The following CCDC178 variants were observed in gnomAD, a reference collection of about 807,000 sequenced individuals.
The protein encoded by CCDC178 is coiled-coil domain-containing protein 178.
A neutral mutation model predicts 117.4 loss-of-function variants in CCDC178; 126 were observed. The observed-to-expected ratio is 1.07, with a 90% confidence interval of 0.93 to 1.24. CCDC178 has a LOEUF of 1.24. CCDC178 is among the 50% of genes most tolerant of loss of function. The pLI is 0.00. For missense variants in CCDC178, 1,030 were observed against 986.9 expected, an observed-to-expected ratio of 1.04 and a Z score of -0.59; for synonymous variants, 283 against 313.4, an observed-to-expected ratio of 0.90 and a Z score of 1.02.
chr18:33,333,299 A>G lies in CCDC178; in HGVS notation c.754T>C (p.Leu252=), dbSNP rs1191162455. The change falls in exon 10 of 23, where the codon TTA becomes CTA. Residue 252 remains leucine (L), a synonymous_variant. Coordinates refer to ENST00000383096, the MANE Select transcript of CCDC178 (RefSeq NM_001105528.4). The stretch of plus-strand genomic sequence containing the variant: ...TGAATCTTTGCATTTGCTTCTTCTA[A>G]CTCTGTCTTTTGTTTTTCAAAATGT... ...LQHFEKQKTE[L]EEANAKIQAD... The G allele has an allele frequency of 3.7e-6, 6 of 1,612,172 alleles. No individual in the cohort carries two copies. Among genetic ancestry groups the G allele is most frequent in the Non-Finnish European group, 5.1e-6 (6 of 1,178,972 alleles).
At chr18:33,420,772 C>T (rs1302596718) in intron 2 of CCDC178, among the ~76,000 whole-genome samples, 1 of 151,626 alleles carries the variant, frequency 6.6e-6, no homozygotes, top group East Asian at 1.9e-4. Flanking sequence ...ACATGTACCA[C>T]TGAAATTAAA....
intron 21 of CCDC178, among the ~76,000 whole-genome samples, chr18:33,021,992 A>G (rs915973129): frequency 3.9e-5 from 6 of 152,156 alleles, no homozygotes; most frequent in African/African-American, 7.2e-5. Context: ...ATTTCCTTTT[A>G]ATTTTAAAAT....
rs576158382 is a variant in CCDC178 at position 33,042,085 on chromosome 18, T to C, written c.2388+50676A>G. 2.0e-5 allele frequency among the ~76,000 whole-genome samples: 3 copies of C among 152,066 alleles called. No individual in the cohort carries two copies. In the East Asian group the frequency reaches 5.8e-4, roughly 29 times the overall value. The stretch of plus-strand genomic sequence containing the variant: ...GATTTAGGAATGGAGCATCAATGAA[T>C]GTCAAAGCAATTAGTTGAAAGGATG... On this transcript the variant is annotated intron_variant, in intron 21 of 22. Transcript: ENST00000383096.
chr18:33,351,847 C>T (rs2062984125), intron 7 of CCDC178, among the ~76,000 whole-genome samples: 1 of 152,184 alleles, frequency 6.6e-6, no homozygotes, highest in Admixed American at 6.5e-5. Context: ...GCTACTGTGC[C>T]CGGCCTGTCA....
Position 32,994,180 on chromosome 18 carries a change from A to T in CCDC178, c.2389-19499T>A, listed in dbSNP as rs1015776708. ...GCATCCCCCTCCAATTGGTTACTAA[A>T]TCTCTTTTCTAACTCCTGAATGCTT... On this transcript the variant is annotated intron_variant, in intron 21 of 22. Coordinates refer to ENST00000383096, the MANE Select transcript of CCDC178 (RefSeq NM_001105528.4). Among the ~76,000 whole-genome samples, 4 of 145,924 alleles carry T rather than the reference A, an allele frequency of 2.7e-5. No individual in the cohort carries two copies. In the South Asian group the frequency reaches 8.5e-4, roughly 31 times the overall value.
At chr18:33,228,787 G>A (rs1281771541) in intron 15 of CCDC178, among the ~76,000 whole-genome samples, 1 of 152,178 alleles carries the variant, frequency 6.6e-6, no homozygotes, top group Non-Finnish European at 1.5e-5. Context: ...ACACCACAGG[G>A]AGTGTTTCCA....
At chr18:33,222,504 A>G (rs190639) in intron 18 of CCDC178, among the ~76,000 whole-genome samples, 24,442 of 152,024 alleles carry the variant, frequency 0.16, 2,740 homozygotes, top group African/African-American at 0.32. Context: ...CTCTGCTTCA[A>G]AGATGGTGTC....
At chr18:33,298,116 A>T (rs1383129547) in intron 11 of CCDC178, among the ~76,000 whole-genome samples, 2 of 152,072 alleles carry the variant, frequency 1.3e-5, no homozygotes, top group Non-Finnish European at 2.9e-5. Context: ...ACTCTCCCTA[A>T]CTCATTCCAC....
intron 21 of CCDC178, among the ~76,000 whole-genome samples, chr18:33,054,557 T>C (rs1443494093): frequency 6.6e-6 from 1 of 152,238 alleles, no homozygotes; most frequent in African/African-American, 2.4e-5. Flanking sequence ...TTGATGAGGA[T>C]AATGGCTTCC....
chr18:33,266,666 A>G (rs1260078293), intron 14 of CCDC178, among the ~76,000 whole-genome samples: 1 of 150,808 alleles, frequency 6.6e-6, no homozygotes, highest in East Asian at 2.0e-4. Flanking sequence ...GGGGAGGGAT[A>G]GCATTAGGAG....
At chr18:33,413,026 C>A (rs1210010221) in intron 2 of CCDC178, among the ~76,000 whole-genome samples, 2 of 152,010 alleles carry the variant, frequency 1.3e-5, no homozygotes, top group East Asian at 3.9e-4. Flanking sequence ...ATAATTCCTG[C>A]AAATTGGTAT....
At chr18:33,087,031 T>C (rs1466023608) in intron 21 of CCDC178, among the ~76,000 whole-genome samples, 1 of 142,634 alleles carries the variant, frequency 7.0e-6, no homozygotes, top group Admixed American at 7.0e-5. Context: ...TAGCCATTGG[T>C]TGACACACAC....
intron 12 of CCDC178, among the ~76,000 whole-genome samples, chr18:33,280,585 C>T (rs1414585915): frequency 6.6e-6 from 1 of 151,666 alleles, no homozygotes; most frequent in African/African-American, 2.4e-5. Context: ...CCATTTGACC[C>T]AGCCATCCCA....
intron 22 of CCDC178, among the ~76,000 whole-genome samples, chr18:32,973,090 C>A (rs570705416): frequency 2.6e-5 from 4 of 152,002 alleles, no homozygotes; most frequent in African/African-American, 9.6e-5. Flanking sequence ...AATTTAAAAT[C>A]AAGTTTGGTA....
chr18:33,282,164 G>A (rs1414125321), intron 12 of CCDC178, among the ~76,000 whole-genome samples: 1 of 152,186 alleles, frequency 6.6e-6, no homozygotes, highest in Non-Finnish European at 1.5e-5. Context: ...GAGTGAAACT[G>A]GCTAGGAGCA....
intron 20 of CCDC178, among the ~76,000 whole-genome samples, chr18:33,093,646 T>C (rs2057500973): frequency 6.6e-6 from 1 of 151,964 alleles, no homozygotes; most frequent in African/African-American, 2.4e-5. Flanking sequence ...TAATTTTAAA[T>C]TAAATGCCTG....
At chr18:33,379,552 C>A (rs1292028787) in intron 5 of CCDC178, among the ~76,000 whole-genome samples, 1 of 152,028 alleles carries the variant, frequency 6.6e-6, no homozygotes, top group Non-Finnish European at 1.5e-5. Flanking sequence ...CCCCAGTGGC[C>A]AGAATAAGCA....
At chr18:33,231,746 T>A (rs2059371207) in intron 15 of CCDC178, among the ~76,000 whole-genome samples, 1 of 152,134 alleles carries the variant, frequency 6.6e-6, no homozygotes, top group South Asian at 2.1e-4. Context: ...GGAGGTTCTC[T>A]GCCCACAAAC....
intron 14 of CCDC178, among the ~76,000 whole-genome samples, chr18:33,256,770 A>G (rs2059685260): frequency 6.6e-6 from 1 of 151,960 alleles, no homozygotes; most frequent in Non-Finnish European, 1.5e-5. Context: ...TTTTAGGTAC[A>G]CTAATGAATT....
Sources: gnomAD v4.1 joint callset for allele counts (sites outside exome capture counted in the v4.1 genomes callset) on GRCh38, gnomAD v4.1.1 for gene constraint, MANE v1.5 for transcripts, NCBI Gene and HGNC (gene_info 2026-07-23, HGNC 2026-07-21) for gene names.